The following TRIM66 variants were observed in gnomAD, a reference collection of about 807,000 sequenced individuals.
TRIM66 encodes the protein tripartite motif containing 66, also known as tripartite motif-containing protein 66.
TRIM66 carries 99 observed loss-of-function variants against 148.2 expected under a neutral mutation model. The ratio of observed to expected loss-of-function variants is 0.67; its 90% CI spans 0.57 to 0.79. The LOEUF (loss-of-function observed/expected upper bound fraction) is 0.79. Among genes scored for constraint, TRIM66 ranks in the 30% least tolerant of loss-of-function variants. The probability of loss-of-function intolerance (pLI) is 0.00; values close to 1 mark genes in which losing one functional copy is unlikely to be tolerated. For synonymous variants in TRIM66, 616 were observed against 635.9 expected (o/e 0.97, Z 0.47); for missense variants, 1,666 against 1,697.9 (o/e 0.98, Z 0.33).
In TRIM66 at chr11:8,623,558, G is replaced by A. The variant is rs547793551; in HGVS notation, c.3020-682C>T. On this transcript the variant is annotated intron_variant, in intron 17 of 24. Coordinates refer to ENST00000646038, the MANE Select transcript of TRIM66 (RefSeq NM_001388022.1). Reference sequence around the variant, plus strand: ...AAAAAGGAGAAAAATTATTTCTTTCGTTTTCATTTATTACACATATAGGAA... The same window carrying A: ...AAAAAGGAGAAAAATTATTTCTTTCATTTTCATTTATTACACATATAGGAA... 1.4e-4 allele frequency among the ~76,000 whole-genome samples: 22 copies of A among 152,220 alleles called. No individual in the cohort carries two copies. The South Asian group carries it at 3.7e-3, about 26-fold the overall frequency.
intron 6 of TRIM66, among the ~76,000 whole-genome samples, chr11:8,657,412 G>C (rs1391277251): frequency 6.6e-6 from 1 of 152,172 alleles, no homozygotes; most frequent in Non-Finnish European, 1.5e-5. Flanking sequence ...GCTGGACAGA[G>C]CTTCACTGTT....
intron 3 of TRIM66, among the ~76,000 whole-genome samples, chr11:8,677,489 G>C (rs2039229743): frequency 6.6e-6 from 1 of 152,076 alleles, no homozygotes. Flanking sequence ...AGTAAAAACA[G>C]AACTAGGAGG....
chr11:8,617,911 C>T lies in TRIM66; in HGVS notation c.*33G>A. On this transcript the variant is annotated 3_prime_UTR_variant, in exon 25 of 25. Transcript: ENST00000646038. ...AGGAATGGTCGACAGTATGGGACAA[C>T]AGCTGCCAGAGTGCCCAGTCTCCTT... 1 of 1,549,664 alleles carries T rather than the reference C, an allele frequency of 6.5e-7. No homozygotes were observed. Among genetic ancestry groups the T allele is most frequent in the South Asian group, 1.2e-5 (1 of 84,014 alleles).
chr11:8,643,517 T>A (rs959000301), intron 12 of TRIM66, among the ~76,000 whole-genome samples: 1 of 151,928 alleles, frequency 6.6e-6, no homozygotes, highest in Non-Finnish European at 1.5e-5. Flanking sequence ...TTTTTTGTAT[T>A]TTGTTTAGTA....
At chr11:8,667,653 A>C (rs76683401) in intron 6 of TRIM66, among the ~76,000 whole-genome samples, 1,778 of 152,348 alleles carry the variant, frequency 0.012, 34 homozygotes, top group African/African-American at 0.04. Context: ...ATGTAACCAG[A>C]ATCATACAGT....
intron 6 of TRIM66, among the ~76,000 whole-genome samples, chr11:8,665,280 T>TTCACTAGCTAGGCTG (rs1468957158): frequency 1.3e-5 from 2 of 152,180 alleles, no homozygotes; most frequent in Non-Finnish European, 2.9e-5. Flanking sequence ...TATTAGGTAT[T>TTCACTAGCTAGGCTG]TCACTAGGCT....
intron 17 of TRIM66, 35 bp from the exon 18 acceptor site, chr11:8,622,911 C>A: frequency 6.5e-7 from 1 of 1,538,036 alleles, no homozygotes; most frequent in Non-Finnish European, 8.8e-7. Flanking sequence ...CTGTGACACA[C>A]ATTTGTGGCA....
At chr11:8,650,120 C>G (rs1327678584) in intron 7 of TRIM66, among the ~76,000 whole-genome samples, 2 of 152,104 alleles carry the variant, frequency 1.3e-5, no homozygotes, top group East Asian at 3.9e-4. Context: ...CACCTGTAAC[C>G]CCAGTACTTT....
chr11:8,619,960 A>T, intron 22 of TRIM66, 90 bp downstream of exon 22: 2 of 1,198,504 alleles, frequency 1.7e-6, no homozygotes, highest in Non-Finnish European at 2.4e-6. Context: ...GTGACTCTAG[A>T]AAAACAGGGG....
At chr11:8,625,747 G>A (rs143130014) in intron 15 of TRIM66, among the ~76,000 whole-genome samples, 1 of 152,170 alleles carries the variant, frequency 6.6e-6, no homozygotes, top group South Asian at 2.1e-4. Context: ...GGTTGAGAAG[G>A]CTCAAACTCT....
In TRIM66 at chr11:8,620,452, G is replaced by A. The variant is rs2034098136; in HGVS notation, c.3666C>T (p.Asp1222=). Residue 1222 remains aspartate, a synonymous_variant, in exon 21 of 25, where the codon GAC becomes GAT. Coordinates refer to ENST00000646038, the MANE Select transcript of TRIM66 (RefSeq NM_001388022.1). ...TCCAAAGACTCCTCCCTACCTTCTG[G>A]TCATACATGCTTAGGCCAGGAGATG... ...MRASPGLSMY[D]QKKCEKLVLS... is the part of the protein sequence containing the mutation. 1 of 1,551,612 alleles carries A rather than the reference G, an allele frequency of 6.4e-7. No individual in the cohort carries two copies. Among genetic ancestry groups the A allele is most frequent in the Non-Finnish European group, 8.7e-7 (1 of 1,146,986 alleles).
chr11:8,617,054 T>C lies in TRIM66; in HGVS notation c.*890A>G. On this transcript the variant is annotated 3_prime_UTR_variant, in exon 25 of 25. Coordinates refer to ENST00000646038, the MANE Select transcript of TRIM66 (RefSeq NM_001388022.1). ...CAGTATTCACAAGCAGAACTCACGA[T>C]CCATACCTCTGAATGAGGATGATGA... 1 of 152,192 alleles carries C rather than the reference T, an allele frequency of 6.6e-6. No homozygotes were observed. Among genetic ancestry groups the C allele is most frequent in the Non-Finnish European group, 1.5e-5 (1 of 68,078 alleles). The allele number at this position is 152,192 out of a possible 1,614,324, so 9.4% of individuals were successfully genotyped here. A position where few individuals can be genotyped will look rare whatever the true frequency, so the allele number is the denominator to read the frequency against.
At chr11:8,634,448 C>T (rs966163485) in intron 15 of TRIM66, among the ~76,000 whole-genome samples, 1 of 152,200 alleles carries the variant, frequency 6.6e-6, no homozygotes, top group African/African-American at 2.4e-5. Flanking sequence ...GGATTATAGG[C>T]GTGAGCCACC....
At position 8,620,078 on chromosome 11, in the gene TRIM66, A is replaced by G. The variant is rs764837242; in HGVS notation, c.3719T>C (p.Leu1240Pro). 6.4e-7 allele frequency: 1 copy of G among 1,551,784 alleles called. No homozygotes were observed. Among genetic ancestry groups the G allele is most frequent in the South Asian group, 1.2e-5 (1 of 84,066 alleles). Reference sequence around the variant, plus strand: ...GGGGCTGACAGGTTCATGGAAGGGCAGGCTGAGGTTATTGCAGCACAAGGA... The same window carrying G: ...GGGGCTGACAGGTTCATGGAAGGGCGGGCTGAGGTTATTGCAGCACAAGGA... ...VLSLCCNNLS[L>P]PFHEPVSPLA... Residue 1240 changes from leucine to proline, a missense_variant, in exon 22 of 25, where the codon CTG becomes CCG. Coordinates refer to ENST00000646038, the MANE Select transcript of TRIM66 (RefSeq NM_001388022.1).
Position 8,633,253 on chromosome 11 carries a change from C to G in TRIM66, c.2310+5401G>C, listed in dbSNP as rs371534378. Among the ~76,000 whole-genome samples the G allele has an allele frequency of 7.2e-5, 11 of 151,858 alleles. No homozygotes were observed. In the East Asian group the frequency reaches 1.5e-3, roughly 21 times the overall value. Reference sequence around the variant, plus strand: ...AGGAGAATCGCTTGAATCTGGGAGGCAGAGGTTGCGGTGAGCCGAGATCGT... The same window carrying G: ...AGGAGAATCGCTTGAATCTGGGAGGGAGAGGTTGCGGTGAGCCGAGATCGT... On this transcript the variant is annotated intron_variant, in intron 15 of 24. Transcript: ENST00000646038.
rs1177783525 is a variant in TRIM66, at chr11:8,640,970, G to C, written c.1405C>G (p.His469Asp). ...AGGGAAGGCGAGACTGGGGAGCAGT[G>C]GGAGCAGCACACAGATGAGGAGCAC... ...AVCSSSVCCS[H>D]CSPVSPSLKG... The change falls in exon 14 of 25, where the codon CAC becomes GAC. Residue 469 changes from histidine (H) to aspartate (D), a missense_variant. Physicochemically the swap from His to Asp is moderately conservative, Grantham distance 81. Transcript: ENST00000646038. 1.3e-6 allele frequency: 2 copies of C among 1,551,116 alleles called. No individual in the cohort carries two copies. Among genetic ancestry groups the C allele is most frequent in the African/African-American group, 2.7e-5 (2 of 73,006 alleles).
At chr11:8,666,048 T>C (rs974786482) in intron 6 of TRIM66, among the ~76,000 whole-genome samples, 1 of 151,190 alleles carries the variant, frequency 6.6e-6, no homozygotes, top group East Asian at 2.0e-4. Flanking sequence ...TACTAAAGAA[T>C]ATAAGAAGCT....
chr11:8,673,694 A>C (rs1388363695), intron 4 of TRIM66, among the ~76,000 whole-genome samples: 1 of 152,242 alleles, frequency 6.6e-6, no homozygotes, highest in Non-Finnish European at 1.5e-5. Context: ...AATTAATATT[A>C]TTAATTTGAT....
intron 6 of TRIM66, among the ~76,000 whole-genome samples, chr11:8,664,120 T>G (rs960191254): frequency 6.6e-6 from 1 of 151,974 alleles, no homozygotes; most frequent in Admixed American, 6.6e-5. Context: ...GCCAAGAGAG[T>G]AGATGTAAAG....
Sources: allele counts gnomAD v4.1 joint callset (sites outside exome capture counted in the v4.1 genomes callset), GRCh38; gene constraint gnomAD v4.1.1; transcripts MANE v1.5; gene names NCBI Gene and HGNC (gene_info 2026-07-23, HGNC 2026-07-21).